UBTD1: variants seen among roughly 807,000 people sequenced by gnomAD.
UBTD1 encodes ubiquitin domain-containing protein 1.
Under a neutral mutation model 21.7 loss-of-function variants are expected in UBTD1, and 19 were observed. That is an observed-to-expected ratio of 0.87 (90% CI 0.61 to 1.28). The LOEUF is 1.28. Ranked by LOEUF, UBTD1 falls within the 50% of genes most tolerant of loss-of-function variation. The pLI, the probability that UBTD1 is intolerant of heterozygous loss-of-function variation, is 0.00. For missense variants in UBTD1, 282 were observed against 315.1 expected (o/e 0.89, Z 0.80); for synonymous variants, 116 against 135.1 (o/e 0.86, Z 0.98).
intron 1 of UBTD1, among the ~76,000 whole-genome samples, chr10:97,535,140 A>G (rs1054816820): frequency 2.0e-5 from 3 of 152,088 alleles, no homozygotes; most frequent in Non-Finnish European, 4.4e-5. Flanking sequence ...CCTCTGTCTC[A>G]TGGCCCCAAG....
At chr10:97,505,406 G>A (rs530142192) in intron 1 of UBTD1, among the ~76,000 whole-genome samples, 162 of 152,338 alleles carry the variant, frequency 1.1e-3, no homozygotes, top group Middle Eastern at 3.4e-3. Flanking sequence ...CAAAGGAGAG[G>A]AGGTCTAGTC....
chr10:97,570,098 G>A lies in UBTD1; in HGVS notation c.299-40G>A. ...CCCAAACATTTAATCCATGATAGTG[G>A]ATCCCCAAGCTGACTCTGACAGCCC... On this transcript the variant is annotated intron_variant, in intron 2 of 2. Coordinates refer to ENST00000370664, the MANE Select transcript of UBTD1 (RefSeq NM_024954.5). The surrounding 1 kb of genome is among the most constrained non-coding windows in gnomAD (Gnocchi z 6.6). The A allele has an allele frequency of 1.3e-6, 2 of 1,562,558 alleles. No individual in the cohort carries two copies. Among genetic ancestry groups the A allele is most frequent in the Non-Finnish European group, 1.7e-6 (2 of 1,152,148 alleles).
chr10:97,518,324 G>A (rs1331831159), intron 1 of UBTD1, among the ~76,000 whole-genome samples: 1 of 152,144 alleles, frequency 6.6e-6, no homozygotes, highest in Non-Finnish European at 1.5e-5. Context: ...GGACTGCCTG[G>A]CAGCCTGGTT....
chr10:97,500,950 G>A (rs2040373893), intron 1 of UBTD1, among the ~76,000 whole-genome samples: 2 of 152,170 alleles, frequency 1.3e-5, no homozygotes, highest in Non-Finnish European at 2.9e-5. Flanking sequence ...ATCGCTCCCT[G>A]TCCACCAGCT....
rs572880358 is a variant in UBTD1, at chr10:97,539,574, G to A, written c.71-28340G>A. Among the ~76,000 whole-genome samples the A allele has an allele frequency of 7.3e-5, 11 of 151,724 alleles. No individual in the cohort carries two copies. The South Asian group carries it at 2.1e-3, about 29-fold the overall frequency. ...TGTGCCCGTGCACTCCAGCCTGGGT[G>A]ACAGAGAGAGGCCCCATTTCAAAAA... On this transcript the variant is annotated intron_variant, in intron 1 of 2. Coordinates refer to ENST00000370664, the MANE Select transcript of UBTD1 (RefSeq NM_024954.5).
chr10:97,559,607 T>C (rs2040683366), intron 1 of UBTD1, among the ~76,000 whole-genome samples: 1 of 152,206 alleles, frequency 6.6e-6, no homozygotes, highest in Non-Finnish European at 1.5e-5. Flanking sequence ...GTGTTATTAA[T>C]ATTAAACTTA....
chr10:97,512,520 C>T (rs1441698079), intron 1 of UBTD1, among the ~76,000 whole-genome samples: 4 of 152,210 alleles, frequency 2.6e-5, no homozygotes, highest in Admixed American at 6.5e-5. Context: ...GCCCAAATGA[C>T]ATTTCTTAGA....
Position 97,567,895 on chromosome 10 carries a change from C to A in UBTD1, c.71-19C>A. 6.2e-7 allele frequency: 1 copy of A among 1,613,604 alleles called. No homozygotes were observed. Among genetic ancestry groups the A allele is most frequent in the African/African-American group, 1.3e-5 (1 of 75,042 alleles). ...AAGTGGCTTTAGAGATGCTGAGCCT[C>A]TCCTTCTGTCCTGCCCAGGACGCAA... On this transcript the variant is annotated intron_variant, in intron 1 of 2. Coordinates refer to ENST00000370664, the MANE Select transcript of UBTD1 (RefSeq NM_024954.5).
chr10:97,513,009 G>A (rs1023639516), intron 1 of UBTD1, among the ~76,000 whole-genome samples: 2 of 152,200 alleles, frequency 1.3e-5, no homozygotes, highest in African/African-American at 4.8e-5. Context: ...TGTGAGGTTG[G>A]CAGGCTTGCA....
At chr10:97,534,847 C>A (rs556288043) in intron 1 of UBTD1, among the ~76,000 whole-genome samples, 2 of 152,236 alleles carry the variant, frequency 1.3e-5, no homozygotes, top group South Asian at 4.1e-4. Context: ...CTCCAGCCCA[C>A]ACCTCTGCCC....
At chr10:97,531,291 A>G (rs1255079774) in intron 1 of UBTD1, among the ~76,000 whole-genome samples, 1 of 149,242 alleles carries the variant, frequency 6.7e-6, no homozygotes, top group Non-Finnish European at 1.5e-5. Flanking sequence ...GCTTGCTGCA[A>G]CCTCCACCTC....
rs2040279346 is a variant in UBTD1 at position 97,498,945 on chromosome 10, C to G, written c.-259C>G. The stretch of plus-strand genomic sequence containing the variant: ...CCCTCTCTCCGCCCCTCCAGCGGAG[C>G]TGGTCTCCGGCCGGGCACCGTCGCG... On this transcript the variant is annotated 5_prime_UTR_variant, in exon 1 of 3. Transcript: ENST00000370664. 1 of 433,806 alleles carries G rather than the reference C, an allele frequency of 2.3e-6. No individual in the cohort carries two copies. The allele number at this position is 433,806 out of a possible 1,614,324, so 26.9% of individuals were successfully genotyped here.
intron 1 of UBTD1, among the ~76,000 whole-genome samples, chr10:97,534,542 C>T (rs1040580579): frequency 2.6e-5 from 4 of 151,132 alleles, no homozygotes; most frequent in Non-Finnish European, 5.9e-5. Context: ...ACATTCAAGC[C>T]AAAGCTTAAG....
chr10:97,541,044 A>G (rs1359139556), intron 1 of UBTD1, among the ~76,000 whole-genome samples: 1 of 152,184 alleles, frequency 6.6e-6, no homozygotes, highest in Non-Finnish European at 1.5e-5. Context: ...GGTCTGGAAC[A>G]GGCAGCAGGC....
intron 1 of UBTD1, among the ~76,000 whole-genome samples, chr10:97,511,000 ACCTCCGAGTCC>A (rs2040421260): frequency 6.6e-6 from 1 of 151,492 alleles, no homozygotes; most frequent in Non-Finnish European, 1.5e-5. Flanking sequence ...TTGGCAGAAC[ACCTCCGAGTCC>A]CCAGGGCTTC....
intron 1 of UBTD1, among the ~76,000 whole-genome samples, chr10:97,536,579 G>A (rs2040562954): frequency 6.6e-6 from 1 of 152,196 alleles, no homozygotes; most frequent in African/African-American, 2.4e-5. Flanking sequence ...TGTCTCGTAG[G>A]AGGCCAGTGG....
chr10:97,526,136 GT>G (rs2040487231), intron 1 of UBTD1, among the ~76,000 whole-genome samples: 1 of 152,222 alleles, frequency 6.6e-6, no homozygotes, highest in Admixed American at 6.5e-5. Flanking sequence ...CAGTCATTGT[GT>G]TTGGGGCGAA....
intron 1 of UBTD1, among the ~76,000 whole-genome samples, chr10:97,558,133 G>T (rs1469480384): frequency 6.6e-6 from 1 of 151,886 alleles, no homozygotes; most frequent in Non-Finnish European, 1.5e-5. Context: ...TCCCATCCAC[G>T]TACAGCTCCC....
At chr10:97,500,867 C>G (rs1302500031) in intron 1 of UBTD1, among the ~76,000 whole-genome samples, 1 of 152,206 alleles carries the variant, frequency 6.6e-6, no homozygotes, top group Non-Finnish European at 1.5e-5. Context: ...CCCCAGAACC[C>G]CATCTCTAGA....
Sources: gnomAD v4.1 joint callset for allele counts (sites outside exome capture counted in the v4.1 genomes callset) on GRCh38, gnomAD v4.1.1 for gene constraint, Gnocchi (gnomAD v3.1) non-coding constraint, MANE v1.5 for transcripts, NCBI Gene and HGNC (gene_info 2026-07-23, HGNC 2026-07-21) for gene names.